The following STPG2 variants were observed in gnomAD, a reference collection of about 807,000 sequenced individuals.
STPG2 encodes the protein sperm-tail PG-rich repeat-containing protein 2.
In STPG2, 56 loss-of-function variants were observed where a neutral mutation model predicts 54.2. That is an observed-to-expected ratio of 1.03 (90% CI 0.83 to 1.29). STPG2 has a LOEUF of 1.29. STPG2 is among the 50% of genes most tolerant of loss of function. The pLI is 0.00. For synonymous variants in STPG2, 200 were observed against 181.8 expected (o/e 1.10, Z -0.81); for missense variants, 596 against 544.9 (o/e 1.09, Z -0.93).
intron 10 of STPG2, among the ~76,000 whole-genome samples, chr4:97,667,999 T>C (rs1722578748): frequency 6.6e-6 from 1 of 152,166 alleles, no homozygotes; most frequent in South Asian, 2.1e-4. Context: ...TTATCAGTAA[T>C]TTAAATTAAT....
intron 4 of STPG2, among the ~76,000 whole-genome samples, chr4:97,484,849 AG>A (rs1730314355): frequency 6.6e-6 from 1 of 152,002 alleles, no homozygotes; most frequent in African/African-American, 2.4e-5. Context: ...CACTTCAAAA[AG>A]ATAATCCACC....
chr4:98,015,361 GA>G (rs1201284779), intron 5 of STPG2, among the ~76,000 whole-genome samples: 3 of 150,834 alleles, frequency 2.0e-5, no homozygotes, highest in Non-Finnish European at 4.4e-5. Context: ...AAATTTACAA[GA>G]AAAAAACAAA....
intron 5 of STPG2, among the ~76,000 whole-genome samples, chr4:98,093,149 T>C (rs895392955): frequency 6.6e-6 from 1 of 152,192 alleles, no homozygotes; most frequent in Non-Finnish European, 1.5e-5. Context: ...AATTACCAAA[T>C]GTTTTTGCAT....
intron 3 of STPG2, among the ~76,000 whole-genome samples, chr4:98,114,795 A>G (rs1293024260): frequency 2.7e-5 from 4 of 150,494 alleles, no homozygotes; most frequent in Non-Finnish European, 5.9e-5. Context: ...GTGTGTGTCT[A>G]CAATAATATC....
chr4:97,743,643 A>T (rs1462522491), intron 9 of STPG2, among the ~76,000 whole-genome samples: 1 of 151,632 alleles, frequency 6.6e-6, no homozygotes, highest in African/African-American at 2.4e-5. Context: ...GCTAGAGGGG[A>T]TACAAAGAGG....
Position 97,807,937 on chromosome 4 carries a change from A to T in STPG2, c.1204+32836T>A, listed in dbSNP as rs116532420. On this transcript the variant is annotated intron_variant, in intron 9 of 10. Coordinates refer to ENST00000295268, the MANE Select transcript of STPG2 (RefSeq NM_174952.3). ...TACTATCATCAAACAAGCAATATTT[A>T]AATAGACAGTATTTAGATGTTTTTG... Among the ~76,000 whole-genome samples the T allele has an allele frequency of 4.6e-3, 696 of 152,156 alleles. 2 individuals are homozygous for T. Among genetic ancestry groups the T allele is most frequent in the African/African-American group, 0.016 (660 of 41,554 alleles).
intron 4 of STPG2, among the ~76,000 whole-genome samples, chr4:97,535,293 C>T (rs760519422): frequency 1.3e-5 from 2 of 152,160 alleles, no homozygotes; most frequent in Admixed American, 1.3e-4. Flanking sequence ...ACCAGTACCA[C>T]CACCAAGTTT....
At chr4:97,873,809 CTT>C (rs1333389525) in intron 8 of STPG2, among the ~76,000 whole-genome samples, 1 of 151,458 alleles carries the variant, frequency 6.6e-6, no homozygotes, top group African/African-American at 2.4e-5. Flanking sequence ...TAATTAGTAA[CTT>C]AACACATTAA....
At chr4:97,781,362 C>G (rs941013874) in intron 9 of STPG2, among the ~76,000 whole-genome samples, 1 of 151,954 alleles carries the variant, frequency 6.6e-6, no homozygotes, top group African/African-American at 2.4e-5. Flanking sequence ...ACACATACAC[C>G]CTCCCAAGAC....
chr4:98,000,863 A>C (rs1261359233), intron 5 of STPG2, among the ~76,000 whole-genome samples: 2 of 152,140 alleles, frequency 1.3e-5, no homozygotes, highest in Non-Finnish European at 2.9e-5. Context: ...TAGTTAGCTG[A>C]CTATATGTTC....
At chr4:97,771,332 G>A (rs1167662012) in intron 9 of STPG2, among the ~76,000 whole-genome samples, 1 of 152,162 alleles carries the variant, frequency 6.6e-6, no homozygotes, top group African/African-American at 2.4e-5. Flanking sequence ...TCTGTGCCAT[G>A]CTCTAGGACT....
chr4:97,957,492 T>C (rs1733724230), intron 7 of STPG2, among the ~76,000 whole-genome samples: 1 of 152,048 alleles, frequency 6.6e-6, no homozygotes, highest in Non-Finnish European at 1.5e-5. Context: ...TTGGAAAACA[T>C]ACTTGGGGAA....
intron 10 of STPG2, among the ~76,000 whole-genome samples, chr4:97,581,255 C>T (rs2148891027): frequency 6.6e-6 from 1 of 152,156 alleles, no homozygotes; most frequent in African/African-American, 2.4e-5. Context: ...AATGCCACTC[C>T]AGAAGCACCA....
At chr4:97,628,600 T>C (rs1054278965) in intron 10 of STPG2, among the ~76,000 whole-genome samples, 1 of 152,162 alleles carries the variant, frequency 6.6e-6, no homozygotes, top group African/African-American at 2.4e-5. Context: ...ATTTCATCAA[T>C]TGCAAGAAGC....
chr4:97,520,417 C>T (rs1335609045), intron 4 of STPG2, among the ~76,000 whole-genome samples: 1 of 151,978 alleles, frequency 6.6e-6, no homozygotes, highest in East Asian at 1.9e-4. Flanking sequence ...ATAGCTTGTA[C>T]CAGTCTCTAC....
At chr4:97,991,186 G>A (rs1025730340) in intron 5 of STPG2, among the ~76,000 whole-genome samples, 3 of 151,808 alleles carry the variant, frequency 2.0e-5, no homozygotes, top group African/African-American at 7.3e-5. Context: ...ACTTCACTTA[G>A]ATTAATGGTC....
intron 3 of STPG2, among the ~76,000 whole-genome samples, chr4:98,119,921 T>G (rs546626075): frequency 6.6e-6 from 1 of 152,312 alleles, no homozygotes; most frequent in South Asian, 2.1e-4. Flanking sequence ...ACATTGTTCC[T>G]TTTTATGGTC....
intron 10 of STPG2, among the ~76,000 whole-genome samples, chr4:97,606,104 C>T (rs1370088402): frequency 1.3e-5 from 2 of 151,882 alleles, no homozygotes; most frequent in Non-Finnish European, 2.9e-5. Flanking sequence ...TTTCAAAATA[C>T]AGGATGCTGA....
chr4:97,862,392 C>T (rs908298488), intron 8 of STPG2, among the ~76,000 whole-genome samples: 2 of 152,070 alleles, frequency 1.3e-5, no homozygotes, highest in African/African-American at 2.4e-5. Flanking sequence ...ACAAGAAGAA[C>T]TAACTATCTT....
Sources: allele counts gnomAD v4.1 joint callset (sites outside exome capture counted in the v4.1 genomes callset), GRCh38; gene constraint gnomAD v4.1.1; transcripts MANE v1.5; gene names NCBI Gene and HGNC (gene_info 2026-07-23, HGNC 2026-07-21).